Variants in NEDD9 observed in about 807,000 individuals in gnomAD.
NEDD9 encodes neural precursor cell expressed, developmentally down-regulated 9.
Under a neutral mutation model 76.6 loss-of-function variants are expected in NEDD9, and 26 were observed. The observed-to-expected ratio is 0.34, with a 90% CI of 0.25 to 0.47. The LOEUF (loss-of-function observed/expected upper bound fraction) is 0.47. Among genes scored for constraint, NEDD9 ranks in the 20% least tolerant of loss-of-function variants. NEDD9 has a pLI of 1.00. For missense variants in NEDD9, 937 were observed against 1,058.5 expected, an observed-to-expected ratio of 0.89 and a Z score of 1.59; for synonymous variants, 392 against 414.2, an observed-to-expected ratio of 0.95 and a Z score of 0.65.
intron 3 of NEDD9, among the ~76,000 whole-genome samples, chr6:11,247,245 C>T (rs569642306): frequency 9.9e-5 from 15 of 152,254 alleles, no homozygotes; most frequent in African/African-American, 2.9e-4. Flanking sequence ...CTAAAATTGA[C>T]GCCAGCCTCT....
chr6:11,208,007 G>A (rs145042968), intron 2 of NEDD9, among the ~76,000 whole-genome samples: 2,176 of 152,086 alleles, frequency 0.014, 88 homozygotes, highest in East Asian at 0.14. Flanking sequence ...GCAAAACCCC[G>A]TCTCTACTAA....
Position 11,205,807 on chromosome 6 carries a change from T to C in NEDD9, c.459+7474A>G, listed in dbSNP as rs576441729. The stretch of plus-strand genomic sequence containing the variant: ...CATGCCTGGCTAATTTTTTTGTATT[T>C]AGTGGAGACGGGGTTTCATGGTATC... On this transcript the variant is annotated intron_variant, in intron 2 of 6. Transcript: ENST00000379446. Among the ~76,000 whole-genome samples the C allele has an allele frequency of 2.7e-3, 404 of 152,200 alleles. 2 individuals carry two copies. Among genetic ancestry groups the C allele is most frequent in the Non-Finnish European group, 3.8e-3 (256 of 67,996 alleles).
At chr6:11,278,507 G>A (rs73721519) in intron 3 of NEDD9, among the ~76,000 whole-genome samples, 1 of 152,180 alleles carries the variant, frequency 6.6e-6, no homozygotes, top group Non-Finnish European at 1.5e-5. Context: ...CTAGCTTGAG[G>A]TCACATTGCT....
chr6:11,222,407 G>A (rs1178826496), intron 1 of NEDD9, among the ~76,000 whole-genome samples: 3 of 152,206 alleles, frequency 2.0e-5, no homozygotes, highest in African/African-American at 4.8e-5. Context: ...GGTGTTTACA[G>A]TCATACACTG....
chr6:11,205,934 C>T (rs1017224823), intron 2 of NEDD9, among the ~76,000 whole-genome samples: 4 of 152,170 alleles, frequency 2.6e-5, no homozygotes, highest in Non-Finnish European at 4.4e-5. Context: ...GACCTACATC[C>T]GACTTTTGAG....
At position 11,202,089 on chromosome 6, in the gene NEDD9, T is replaced by C. The variant is rs536001954; in HGVS notation, c.460-8397A>G. Reference sequence around the variant, plus strand: ...AAAAAGTGTCCCCGTGCTGTAATGATTACAGATTTATAACCTCACCATTCA... The same window carrying C: ...AAAAAGTGTCCCCGTGCTGTAATGACTACAGATTTATAACCTCACCATTCA... On this transcript the variant is annotated intron_variant, in intron 2 of 6. Coordinates refer to ENST00000379446, the MANE Select transcript of NEDD9 (RefSeq NM_006403.4). Among the ~76,000 whole-genome samples the C allele has an allele frequency of 2.6e-5, 4 of 152,320 alleles. No individual in the cohort carries two copies. In the South Asian group the frequency reaches 8.3e-4, roughly 32 times the overall value.
intron 1 of NEDD9, among the ~76,000 whole-genome samples, chr6:11,341,563 G>A (rs989197605): frequency 6.6e-6 from 1 of 152,198 alleles, no homozygotes; most frequent in South Asian, 2.1e-4. Flanking sequence ...GAAGTTCTGG[G>A]TGTAAATATG....
chr6:11,359,856 T>C (rs1762646469), intron 1 of NEDD9, among the ~76,000 whole-genome samples: 1 of 152,208 alleles, frequency 6.6e-6, no homozygotes, highest in South Asian at 2.1e-4. Context: ...AGATAGCAAG[T>C]CGTTTGAGAC....
intron 1 of NEDD9, among the ~76,000 whole-genome samples, chr6:11,373,736 C>T (rs928675343): frequency 6.6e-6 from 1 of 152,158 alleles, no homozygotes; most frequent in African/African-American, 2.4e-5. Context: ...GCCAAGGTAC[C>T]TAGATATTGA....
chr6:11,287,289 A>T (rs117373779), intron 3 of NEDD9, among the ~76,000 whole-genome samples: 3,786 of 152,198 alleles, frequency 0.025, 90 homozygotes, highest in African/African-American at 0.063. Context: ...TCAGCCAGGC[A>T]TGGTGGCAGG....
intron 3 of NEDD9, among the ~76,000 whole-genome samples, chr6:11,258,210 G>A (rs1344722978): frequency 6.6e-6 from 1 of 152,138 alleles, no homozygotes; most frequent in Admixed American, 6.5e-5. Flanking sequence ...ATTTTTACAG[G>A]GCTCAGAGCA....
At chr6:11,231,171 T>G (rs1759459539) in intron 1 of NEDD9, among the ~76,000 whole-genome samples, 1 of 152,212 alleles carries the variant, frequency 6.6e-6, no homozygotes, top group African/African-American at 2.4e-5. Context: ...TTGTTTCTGG[T>G]TGCATCCTAA....
chr6:11,203,236 AT>A (rs1561786119), intron 2 of NEDD9, among the ~76,000 whole-genome samples: 1 of 152,068 alleles, frequency 6.6e-6, no homozygotes, highest in Non-Finnish European at 1.5e-5. Flanking sequence ...CAGCAAAGCC[AT>A]TTTTTTTCTG....
intron 3 of NEDD9, among the ~76,000 whole-genome samples, chr6:11,284,077 C>T (rs1336118325): frequency 2.6e-5 from 4 of 152,106 alleles, no homozygotes. Context: ...CATACAATCT[C>T]CTCCAGGGTT....
chr6:11,196,285 CAG>C (rs554396127), intron 2 of NEDD9, among the ~76,000 whole-genome samples: 1 of 152,116 alleles, frequency 6.6e-6, no homozygotes, highest in Non-Finnish European at 1.5e-5. Context: ...GCCTGGGTGA[CAG>C]AGAGAGACTC....
chr6:11,280,277 G>A lies in NEDD9; in HGVS notation c.12+25715C>T, dbSNP rs560020446. On this transcript the variant is annotated intron_variant, in intron 3 of 3. Transcript: ENST00000397378. ...TTCCATCAGACACTGGGTACCCTGG[G>A]GCCAAGGAACTAAACTAACATCTCA... is the stretch of plus-strand genomic sequence containing the variant. Among the ~76,000 whole-genome samples, 6 of 152,278 alleles carry A rather than the reference G, an allele frequency of 3.9e-5. No homozygotes were observed. In the East Asian group the frequency reaches 1.2e-3, roughly 29 times the overall value.
intron 1 of NEDD9, among the ~76,000 whole-genome samples, chr6:11,369,033 C>A (rs1762815001): frequency 6.6e-6 from 1 of 152,178 alleles, no homozygotes; most frequent in African/African-American, 2.4e-5. Context: ...AACAGAGAAA[C>A]AGAAAAGTAA....
chr6:11,288,559 G>A (rs1457912466), intron 3 of NEDD9, among the ~76,000 whole-genome samples: 1 of 152,154 alleles, frequency 6.6e-6, no homozygotes, highest in East Asian at 1.9e-4. Context: ...TCTCATAAAG[G>A]GAACCATACT....
At chr6:11,244,918 A>G (rs776356103) in intron 3 of NEDD9, among the ~76,000 whole-genome samples, 56 of 152,242 alleles carry the variant, frequency 3.7e-4, no homozygotes, top group Admixed American at 9.8e-4. Flanking sequence ...TCAGAAGGCC[A>G]TAAATACACC....
Sources: allele counts gnomAD v4.1 joint callset (sites outside exome capture counted in the v4.1 genomes callset), GRCh38; gene constraint gnomAD v4.1.1; transcripts MANE v1.5; gene names NCBI Gene and HGNC (gene_info 2026-07-23, HGNC 2026-07-21).